The following PDLIM5 variants were observed in gnomAD, a reference collection of about 807,000 sequenced individuals.
The protein encoded by PDLIM5 is PDZ and LIM domain 5.
In PDLIM5, 34 loss-of-function variants were observed where a neutral mutation model predicts 64.2. The observed-to-expected ratio is 0.53, with a 90% CI of 0.40 to 0.71. PDLIM5 has a LOEUF of 0.71. PDLIM5 is among the 30% of genes least tolerant of loss of function. The pLI is 0.00. For synonymous variants in PDLIM5, 253 were observed against 269.1 expected (o/e 0.94, Z 0.59); for missense variants, 683 against 733.6 (o/e 0.93, Z 0.80).
intron 3 of PDLIM5, among the ~76,000 whole-genome samples, chr4:94,541,797 A>C (rs1349044847): frequency 6.6e-6 from 1 of 152,074 alleles, no homozygotes; most frequent in Non-Finnish European, 1.5e-5. Flanking sequence ...GAGTCTCTTT[A>C]CTGATTGGTC....
intron 2 of PDLIM5, chr4:94,456,344 A>G (rs1170493083): frequency 5.1e-6 from 3 of 588,780 alleles, no homozygotes; most frequent in Non-Finnish European, 9.1e-6. Flanking sequence ...GATTACAGGC[A>G]TGTGCCACCA....
intron 3 of PDLIM5, among the ~76,000 whole-genome samples, chr4:94,534,249 C>CT (rs1193857738): frequency 6.6e-6 from 1 of 152,096 alleles, no homozygotes; most frequent in Admixed American, 6.6e-5. Flanking sequence ...TGTATATTCC[C>CT]TTTAAAGTAA....
chr4:94,660,723 GA>G (rs1452173538), intron 11 of PDLIM5, among the ~76,000 whole-genome samples: 1 of 152,126 alleles, frequency 6.6e-6, no homozygotes, highest in Non-Finnish European at 1.5e-5. Flanking sequence ...GAATACTAAA[GA>G]TTGACAATTG....
intron 9 of PDLIM5, among the ~76,000 whole-genome samples, chr4:94,641,575 CA>C (rs1425070630): frequency 2.0e-5 from 3 of 152,178 alleles, no homozygotes; most frequent in African/African-American, 7.2e-5. Context: ...ACAAAGTTCA[CA>C]CATAATCCCA....
At chr4:94,497,564 T>C (rs921448257) in intron 2 of PDLIM5, among the ~76,000 whole-genome samples, 1 of 152,184 alleles carries the variant, frequency 6.6e-6, no homozygotes, top group Non-Finnish European at 1.5e-5. Flanking sequence ...TTTCTGAGGC[T>C]ACCTTGACAT....
chr4:94,629,947 T>G (rs553615115), intron 8 of PDLIM5, among the ~76,000 whole-genome samples: 1 of 152,332 alleles, frequency 6.6e-6, no homozygotes, highest in East Asian at 1.9e-4. Flanking sequence ...GACTATTGTT[T>G]AGGCTTTCAG....
chr4:94,466,359 T>C (rs1724365407), intron 2 of PDLIM5, among the ~76,000 whole-genome samples: 1 of 152,180 alleles, frequency 6.6e-6, no homozygotes, highest in Non-Finnish European at 1.5e-5. Flanking sequence ...AATATATAAC[T>C]GGTTTCCAGA....
At chr4:94,577,441 G>T (rs1174688206) in intron 5 of PDLIM5, 2 of 443,022 alleles carry the variant, frequency 4.5e-6, no homozygotes, top group African/African-American at 2.2e-5. Context: ...CGGTCTTGAG[G>T]TTGTGGGTGG....
At chr4:94,622,541 G>T (rs1237059075) in intron 8 of PDLIM5, among the ~76,000 whole-genome samples, 1 of 152,166 alleles carries the variant, frequency 6.6e-6, no homozygotes, top group Non-Finnish European at 1.5e-5. Context: ...TTTTCTGACT[G>T]GTGGTGGCCC....
rs955200833 is a variant in PDLIM5, at chr4:94,641,353, T to C, written c.1283+903T>C. ...TATAGCATAATGTTTCTAGGTAATA[T>C]TTAAAATGGAGTCAGGAAACCTCAA... On this transcript the variant is annotated intron_variant, in intron 9 of 12. Coordinates refer to ENST00000317968, the MANE Select transcript of PDLIM5 (RefSeq NM_006457.5). 6.6e-5 allele frequency among the ~76,000 whole-genome samples: 10 copies of C among 152,342 alleles called. No homozygotes were observed. The East Asian group carries it at 1.9e-3, about 29-fold the overall frequency.
At chr4:94,546,290 C>G (rs554125734) in intron 3 of PDLIM5, among the ~76,000 whole-genome samples, 52 of 152,204 alleles carry the variant, frequency 3.4e-4, no homozygotes, top group African/African-American at 1.2e-3. Flanking sequence ...TTACTATATC[C>G]CATTTAAACC....
At chr4:94,587,164 T>C (rs184470510) in intron 7 of PDLIM5, 185 of 1,500,050 alleles carry the variant, frequency 1.2e-4, no homozygotes, top group Admixed American at 4.4e-4. Context: ...AAAATCTGTA[T>C]TAAATTTGCC....
chr4:94,614,526 T>C (rs1738620796), intron 7 of PDLIM5, among the ~76,000 whole-genome samples: 1 of 152,210 alleles, frequency 6.6e-6, no homozygotes, highest in Admixed American at 6.5e-5. Context: ...TATGATTGTC[T>C]AGATAAACCC....
Position 94,469,998 on chromosome 4 carries a change from ACT to A in PDLIM5, c.96+14617_96+14618del, listed in dbSNP as rs1264252545. On this transcript the variant is annotated intron_variant, in intron 2 of 12. Coordinates refer to ENST00000317968, the MANE Select transcript of PDLIM5 (RefSeq NM_006457.5). Reference sequence around the variant, plus strand: ...TTTTTTTTTTTTGAGACAGAGTCTCACTCTGTCGCCCAGGCTGGAGTGCAGTG... The same window carrying A: ...TTTTTTTTTTTTGAGACAGAGTCTCACTGTCGCCCAGGCTGGAGTGCAGTG... Among the ~76,000 whole-genome samples the A allele has an allele frequency of 8.9e-5, 10 of 112,072 alleles. No homozygotes were observed. In the Admixed American group the frequency reaches 9.5e-4, roughly 11 times the overall value. The allele number at this position is 112,072 out of a possible 152,430, so 73.5% of individuals were successfully genotyped here.
chr4:94,527,528 T>C (rs778688632), intron 3 of PDLIM5, among the ~76,000 whole-genome samples: 4 of 152,242 alleles, frequency 2.6e-5, no homozygotes, highest in Non-Finnish European at 5.9e-5. Context: ...ATTTACAGAC[T>C]TGTCTTAGTC....
chr4:94,659,494 ATGTGTGTGTGTG>A lies in PDLIM5; in HGVS notation c.1585+1981_1585+1992del, dbSNP rs1163008328. Among the ~76,000 whole-genome samples the A allele has an allele frequency of 6.1e-3, 669 of 109,116 alleles. 2 individuals carry two copies. The highest frequency in any genetic ancestry group is 8.2e-3 in the Middle Eastern group (2 of 244). 71.6% of individuals were successfully genotyped at this position (109,116 alleles called of 152,430 possible). A position where few individuals can be genotyped will look rare whatever the true frequency, so the allele number is the denominator to read the frequency against. On this transcript the variant is annotated intron_variant, in intron 11 of 12. Coordinates refer to ENST00000317968, the MANE Select transcript of PDLIM5 (RefSeq NM_006457.5). ...GAGCAGCTGTAGTATATATGTGTGT[ATGTGTGTGTGTG>A]TGTGTGTGTGTGTGTGTGTGTGTGT...
At chr4:94,547,090 T>A (rs1295255757) in intron 3 of PDLIM5, among the ~76,000 whole-genome samples, 1 of 152,062 alleles carries the variant, frequency 6.6e-6, no homozygotes, top group African/African-American at 2.4e-5. Context: ...TACCTCAATT[T>A]AAAAAAATGC....
chr4:94,504,588 T>TA (rs1370849604), intron 2 of PDLIM5, among the ~76,000 whole-genome samples: 4 of 152,182 alleles, frequency 2.6e-5, no homozygotes, highest in Non-Finnish European at 2.9e-5. Flanking sequence ...CCTGGCCCGT[T>TA]ACGCTATTTT....
At chr4:94,553,984 A>G (rs1405737974) in intron 3 of PDLIM5, among the ~76,000 whole-genome samples, 1 of 152,214 alleles carries the variant, frequency 6.6e-6, no homozygotes, top group Admixed American at 6.5e-5. Context: ...ATCTTCACAG[A>G]TAATTTGTCT....
Sources: allele counts gnomAD v4.1 joint callset (sites outside exome capture counted in the v4.1 genomes callset), GRCh38; gene constraint gnomAD v4.1.1; transcripts MANE v1.5; gene names NCBI Gene and HGNC (gene_info 2026-07-23, HGNC 2026-07-21).